The following ZFPM2 variants were observed in gnomAD, a reference collection of about 807,000 sequenced individuals.
ZFPM2 encodes zinc finger protein ZFPM2.
A neutral mutation model predicts 98.6 loss-of-function variants in ZFPM2; 20 were observed. The observed-to-expected ratio is 0.20, with a 90% CI of 0.14 to 0.29. The LOEUF (loss-of-function observed/expected upper bound fraction) is 0.29. Ranked by LOEUF, ZFPM2 falls within the 10% of genes least tolerant of loss-of-function variation. The pLI, the probability that ZFPM2 is intolerant of heterozygous loss-of-function variation, is 1.00. For synonymous variants in ZFPM2, 518 were observed against 502.7 expected, an observed-to-expected ratio of 1.03 and a Z score of -0.41; for missense variants, 1,310 against 1,388.6, an observed-to-expected ratio of 0.94 and a Z score of 0.90.
intron 4 of ZFPM2, among the ~76,000 whole-genome samples, chr8:105,580,827 C>CTCTATATATATA (rs1277698205): frequency 2.3e-5 from 3 of 131,456 alleles, no homozygotes; most frequent in African/African-American, 5.6e-5. Context: ...CTCTCTCTCT[C>CTCTATATATATA]TATATATATA....
rs1813499791 is a variant in ZFPM2 at position 105,788,781 on chromosome 8, T to C, written c.596T>C (p.Val199Ala). Residue 199 changes from valine (V) to alanine (A), a missense_variant, in exon 6 of 8, where the codon GTG becomes GCG. Val to Ala is a moderately conservative substitution (Grantham distance 64). Coordinates refer to ENST00000407775, the MANE Select transcript of ZFPM2 (RefSeq NM_012082.4). The part of the protein sequence containing the change: ...ISEGEELIAF[V>A]VDFDSRLQAA... ...GAGGGTGAAGAGCTAATTGCCTTTG[T>C]GGTGGATTTTGACTCAAGGCTACAA... The C allele has an allele frequency of 3.1e-6, 5 of 1,613,988 alleles. No homozygotes were observed. The highest frequency in any genetic ancestry group is 2.5e-6 in the Non-Finnish European group (3 of 1,179,866).
At chr8:105,418,932 C>A in intron 1 of ZFPM2, 1 of 599,628 alleles carries the variant, frequency 1.7e-6, no homozygotes, top group Non-Finnish European at 2.9e-6. Context: ...TGTGTTATAA[C>A]TTCTGACACT....
At chr8:105,746,641 T>C (rs1317217943) in intron 5 of ZFPM2, among the ~76,000 whole-genome samples, 2 of 148,582 alleles carry the variant, frequency 1.3e-5, no homozygotes, top group Admixed American at 1.4e-4. Context: ...CGTTTTCTTG[T>C]TCTGTTTTTA....
intron 1 of ZFPM2, among the ~76,000 whole-genome samples, chr8:105,377,262 A>G (rs185730930): frequency 5.8e-4 from 88 of 152,302 alleles, no homozygotes; most frequent in African/African-American, 2.0e-3. Flanking sequence ...CATAGTGCTT[A>G]CAACATTATA....
At chr8:105,616,348 C>A (rs1442859694) in intron 4 of ZFPM2, among the ~76,000 whole-genome samples, 2 of 151,966 alleles carry the variant, frequency 1.3e-5, no homozygotes, top group Non-Finnish European at 2.9e-5. Flanking sequence ...CCATTAAAAT[C>A]TTTTCATTTT....
intron 6 of ZFPM2, among the ~76,000 whole-genome samples, chr8:105,791,746 T>G (rs1290160094): frequency 6.6e-6 from 1 of 152,246 alleles, no homozygotes; most frequent in East Asian, 1.9e-4. Flanking sequence ...GGTAAGCTAT[T>G]GATTATTGCC....
At chr8:105,723,318 A>G (rs1811715698) in intron 5 of ZFPM2, among the ~76,000 whole-genome samples, 1 of 151,858 alleles carries the variant, frequency 6.6e-6, no homozygotes, top group Non-Finnish European at 1.5e-5. Context: ...CAATGACGGC[A>G]TATTCAGTGG....
At chr8:105,725,792 A>C (rs1182197089) in intron 5 of ZFPM2, among the ~76,000 whole-genome samples, 1 of 151,678 alleles carries the variant, frequency 6.6e-6, no homozygotes, top group African/African-American at 2.4e-5. Context: ...TTATCTCCAA[A>C]AAATACAAGT....
chr8:105,405,886 A>C (rs1186639194), intron 1 of ZFPM2, among the ~76,000 whole-genome samples: 1 of 152,306 alleles, frequency 6.6e-6, no homozygotes, highest in Non-Finnish European at 1.5e-5. Flanking sequence ...ACTAGTTTAC[A>C]GTCCCCACAA....
intron 5 of ZFPM2, among the ~76,000 whole-genome samples, chr8:105,787,940 C>T (rs1336894553): frequency 6.6e-6 from 1 of 152,204 alleles, no homozygotes; most frequent in East Asian, 1.9e-4. Context: ...TAATGCACAA[C>T]ATGTGATCGT....
intron 1 of ZFPM2, among the ~76,000 whole-genome samples, chr8:105,394,477 A>G: frequency 6.6e-6 from 1 of 152,192 alleles, no homozygotes; most frequent in East Asian, 1.9e-4. Context: ...AGTGTTTTAA[A>G]ATGTTATTGA....
intron 3 of ZFPM2, among the ~76,000 whole-genome samples, chr8:105,527,264 T>C (rs773772115): frequency 3.3e-5 from 5 of 152,174 alleles, no homozygotes; most frequent in Non-Finnish European, 5.9e-5. Context: ...TCAAGTGTTT[T>C]CCTTAAAACT....
At chr8:105,743,097 C>A (rs1411688896) in intron 5 of ZFPM2, among the ~76,000 whole-genome samples, 1 of 151,978 alleles carries the variant, frequency 6.6e-6, no homozygotes, top group Non-Finnish European at 1.5e-5. Context: ...AAATACTCCA[C>A]AATGAGGAGT....
intron 1 of ZFPM2, among the ~76,000 whole-genome samples, chr8:105,404,006 A>G (rs1388586486): frequency 6.6e-6 from 1 of 150,554 alleles, no homozygotes; most frequent in African/African-American, 2.5e-5. Flanking sequence ...AACAACAACA[A>G]CAACAACAAC....
chr8:105,630,181 C>T (rs902219570), intron 4 of ZFPM2, among the ~76,000 whole-genome samples: 4 of 152,122 alleles, frequency 2.6e-5, no homozygotes, highest in African/African-American at 9.7e-5. Flanking sequence ...AATTAATGAA[C>T]TTTAAAGTAG....
chr8:105,709,384 A>G (rs975819813), intron 5 of ZFPM2, among the ~76,000 whole-genome samples: 1 of 152,200 alleles, frequency 6.6e-6, no homozygotes, highest in Non-Finnish European at 1.5e-5. Context: ...AAAAGATTAG[A>G]CAGGTGTTCT....
Position 105,318,540 on chromosome 8 carries a change from TGCGCCCCC to T in ZFPM2, c.-397_-390del, listed in dbSNP as rs1295263275. The stretch of plus-strand genomic sequence containing the variant: ...CGAGCGCGCTCCTCCTCCCGCGCCC[TGCGCCCCC>T]GCGCTCCCCCTCTCCTCGCTGCTCG... On this transcript the variant is annotated 5_prime_UTR_variant, in exon 1 of 8. Coordinates refer to ENST00000407775, the MANE Select transcript of ZFPM2 (RefSeq NM_012082.4). Among the ~76,000 whole-genome samples the T allele has an allele frequency of 6.7e-6, 1 of 149,538 alleles. No homozygotes were observed. The highest frequency in any genetic ancestry group is 2.0e-4 in the East Asian group (1 of 4,942).
Position 105,595,443 on chromosome 8 carries a change from G to A in ZFPM2, c.420+33962G>A, listed in dbSNP as rs118060381. ...ATTATCCAACAGGGGTAAGTGTGAA[G>A]ATTAAACATTTTACTGTCTCAGATG... On this transcript the variant is annotated intron_variant, in intron 4 of 7. Transcript: ENST00000407775. 1.6e-4 allele frequency among the ~76,000 whole-genome samples: 24 copies of A among 152,220 alleles called. No homozygotes were observed. The East Asian group carries it at 4.7e-3, about 30-fold the overall frequency.
chr8:105,454,939 T>C (rs539172983), intron 3 of ZFPM2, among the ~76,000 whole-genome samples: 5 of 152,306 alleles, frequency 3.3e-5, no homozygotes, highest in Admixed American at 3.3e-4. Flanking sequence ...TGTCAGAGGT[T>C]CATCTTGTTA....
Sources: gnomAD v4.1 joint callset for allele counts (sites outside exome capture counted in the v4.1 genomes callset) on GRCh38, gnomAD v4.1.1 for gene constraint, MANE v1.5 for transcripts, NCBI Gene and HGNC (gene_info 2026-07-23, HGNC 2026-07-21) for gene names.